TBXAS1: variants seen among roughly 807,000 people sequenced by gnomAD.
TBXAS1 encodes the protein thromboxane A synthase 1, also known as thromboxane-A synthase.
In TBXAS1, 48 loss-of-function variants were observed where a neutral mutation model predicts 60.7. The observed-to-expected ratio is 0.79, with a 90% CI of 0.63 to 1.01. The LOEUF is 1.01. TBXAS1 is among the 50% of genes least tolerant of loss of function. The pLI, the probability that TBXAS1 is intolerant of heterozygous loss-of-function variation, is 0.00. For missense variants in TBXAS1, 685 were observed against 686.3 expected (o/e 1.00, Z 0.02); for synonymous variants, 287 against 269.7 (o/e 1.06, Z -0.63).
At chr7:139,887,454 A>G (rs1584770431) in intron 3 of TBXAS1, among the ~76,000 whole-genome samples, 1 of 152,208 alleles carries the variant, frequency 6.6e-6, no homozygotes, top group South Asian at 2.1e-4. Context: ...GGCCCTGACA[A>G]CCACCATTTT....
chr7:139,953,291 T>A, intron 5 of TBXAS1, 77 bp from the exon 6 acceptor site: 2 of 1,192,242 alleles, frequency 1.7e-6, no homozygotes, highest in Non-Finnish European at 2.5e-6. Context: ...GCACTACATA[T>A]AACCTCTTCA....
At chr7:139,938,414 G>A (rs1406622828) in intron 5 of TBXAS1, among the ~76,000 whole-genome samples, 1 of 152,192 alleles carries the variant, frequency 6.6e-6, no homozygotes, top group East Asian at 1.9e-4. Context: ...CCAGTATTGG[G>A]AACCACCACC....
chr7:139,901,327 A>AG (rs1491364403), intron 3 of TBXAS1, among the ~76,000 whole-genome samples: 11 of 46,242 alleles, frequency 2.4e-4, no homozygotes, highest in Non-Finnish European at 3.9e-4. Flanking sequence ...ATATTACTAC[A>AG]AAAAAAAAAA....
chr7:139,921,402 G>A (rs1157190668), intron 4 of TBXAS1, among the ~76,000 whole-genome samples: 4 of 152,124 alleles, frequency 2.6e-5, no homozygotes, highest in Admixed American at 2.6e-4. Flanking sequence ...TCCATACCAC[G>A]TATTTAGATT....
chr7:139,974,715 G>A (rs949649129), intron 9 of TBXAS1, among the ~76,000 whole-genome samples: 3 of 152,124 alleles, frequency 2.0e-5, no homozygotes, highest in Admixed American at 2.0e-4. Flanking sequence ...ACTCTCATTC[G>A]CCTTTCTGTG....
chr7:139,864,624 AC>A (rs1584710228), intron 1 of TBXAS1, among the ~76,000 whole-genome samples: 1 of 150,842 alleles, frequency 6.6e-6, no homozygotes, highest in East Asian at 1.9e-4. Context: ...AGAGAAAAAA[AC>A]AAAGAGTGTG....
intron 9 of TBXAS1, among the ~76,000 whole-genome samples, chr7:139,980,038 C>T (rs1046462320): frequency 6.6e-6 from 1 of 151,590 alleles, no homozygotes; most frequent in Non-Finnish European, 1.5e-5. Context: ...TGTCATTTAT[C>T]GATTTATTGC....
intron 8 of TBXAS1, among the ~76,000 whole-genome samples, chr7:139,960,163 A>G: frequency 6.6e-6 from 1 of 152,158 alleles, no homozygotes; most frequent in East Asian, 1.9e-4. Context: ...TGTGGCACCC[A>G]TAGTCTTAAC....
rs544498510 is a variant in TBXAS1, at chr7:139,857,452, T to C, written c.90-14783T>C. 9.8e-5 allele frequency among the ~76,000 whole-genome samples: 15 copies of C among 152,324 alleles called. No individual in the cohort carries two copies. The South Asian group carries it at 3.1e-3, about 32-fold the overall frequency. On this transcript the variant is annotated intron_variant, in intron 1 of 12. Coordinates refer to ENST00000448866, the MANE Select transcript of TBXAS1 (RefSeq NM_001061.7). ...TGGTGAAAGGTGGAGGAACTTTGTC[T>C]GGTTAAATTTAGTCAAATAACCAAT...
At chr7:139,885,952 G>A (rs900322931) in intron 3 of TBXAS1, among the ~76,000 whole-genome samples, 3 of 152,176 alleles carry the variant, frequency 2.0e-5, no homozygotes, top group Non-Finnish European at 4.4e-5. Flanking sequence ...AATGTTTGAC[G>A]TTAGCCTTTA....
At chr7:139,992,650 T>G (rs1813002671) in intron 9 of TBXAS1, among the ~76,000 whole-genome samples, 1 of 152,246 alleles carries the variant, frequency 6.6e-6, no homozygotes, top group South Asian at 2.1e-4. Flanking sequence ...CATCTGCCTG[T>G]GGCCTCTGCA....
At chr7:139,810,705 C>T (rs1383574079) in intron 4 of TBXAS1, among the ~76,000 whole-genome samples, 1 of 152,170 alleles carries the variant, frequency 6.6e-6, no homozygotes, top group Non-Finnish European at 1.5e-5. Context: ...GCAGTGCACG[C>T]TCTGGGATTA....
rs769671944 is a variant in TBXAS1 at position 140,013,330 on chromosome 7, C to T, written c.1227-2393C>T. Among the ~76,000 whole-genome samples the T allele has an allele frequency of 5.9e-5, 9 of 152,172 alleles. 1 individual carries two copies. The highest frequency in any genetic ancestry group is 4.1e-4 in the South Asian group (2 of 4,830). Reference sequence around the variant, plus strand: ...TCTTGGTTCAGAGGTTTATCTTCCTCGGCAAGAATTTTCTGGAGCAGAGAG... The same window carrying T: ...TCTTGGTTCAGAGGTTTATCTTCCTTGGCAAGAATTTTCTGGAGCAGAGAG... On this transcript the variant is annotated intron_variant, in intron 10 of 12. Transcript: ENST00000448866. This position sits in a 1 kb window ranked among gnomAD's most constrained non-coding sequence, Gnocchi z 4.2.
intron 4 of TBXAS1, among the ~76,000 whole-genome samples, chr7:139,797,021 A>G (rs1457498338): frequency 6.6e-6 from 1 of 152,244 alleles, no homozygotes; most frequent in Admixed American, 6.5e-5. Flanking sequence ...ATATGCTCTC[A>G]TGATAGAGAC....
intron 4 of TBXAS1, among the ~76,000 whole-genome samples, chr7:139,917,806 C>T (rs1806124297): frequency 6.6e-6 from 1 of 152,116 alleles, no homozygotes; most frequent in Non-Finnish European, 1.5e-5. Context: ...TCTTACTAGA[C>T]TCTTGGTTCA....
chr7:140,007,057 C>G lies in TBXAS1; in HGVS notation c.1135-34C>G, dbSNP rs147065470. ...AAATGCTGTGAGATTTGGGCTAACA[C>G]GAACTTCTCCCTTTGTCACGACCCC... On this transcript the variant is annotated intron_variant, in intron 9 of 12. Transcript: ENST00000448866. 8.8e-6 allele frequency: 14 copies of G among 1,586,814 alleles called. No homozygotes were observed. In the East Asian group the frequency reaches 1.1e-4, roughly 13 times the overall value.
In TBXAS1 at chr7:139,913,311, T is replaced by G. The variant is rs1289824323; in HGVS notation, c.333+1990T>G. The G allele has an allele frequency of 5.1e-6, 3 of 593,998 alleles. No individual in the cohort carries two copies. In the African/African-American group the frequency reaches 5.5e-5, roughly 11 times the overall value. 36.8% of individuals were successfully genotyped at this position (593,998 alleles called of 1,614,324 possible). On this transcript the variant is annotated intron_variant, in intron 4 of 12. Coordinates refer to ENST00000448866, the MANE Select transcript of TBXAS1 (RefSeq NM_001061.7). ...GATTATTAAATGCAGCTGTAGCTTG[T>G]TGCTCCATCAGCCTCAGCAAGGAGT...
intron 1 of TBXAS1, among the ~76,000 whole-genome samples, chr7:139,779,072 A>G (rs1569488110): frequency 6.6e-6 from 1 of 152,192 alleles, no homozygotes; most frequent in Non-Finnish European, 1.5e-5. Context: ...TTTTGTTTCG[A>G]TTATAGGTAC....
intron 1 of TBXAS1, among the ~76,000 whole-genome samples, chr7:139,859,809 T>C (rs1800840015): frequency 6.6e-6 from 1 of 152,188 alleles, no homozygotes; most frequent in South Asian, 2.1e-4. Context: ...ATCAACTAGA[T>C]ACCTTTTTAA....
Sources: allele counts gnomAD v4.1 joint callset (sites outside exome capture counted in the v4.1 genomes callset), GRCh38; gene constraint gnomAD v4.1.1; non-coding constraint Gnocchi (gnomAD v3.1); transcripts MANE v1.5; gene names NCBI Gene and HGNC (gene_info 2026-07-23, HGNC 2026-07-21).